The following SKAP2 variants were observed in gnomAD, a reference collection of about 807,000 sequenced individuals.
SKAP2 encodes the protein src kinase associated phosphoprotein 2, also known as src kinase-associated phosphoprotein 2.
In SKAP2, 28 loss-of-function variants were observed where a neutral mutation model predicts 54.9. That is an observed-to-expected ratio of 0.51 (90% CI 0.38 to 0.70). The LOEUF is 0.70. Ranked by LOEUF, SKAP2 falls within the 30% of genes least tolerant of loss-of-function variation. The pLI is 0.00. For synonymous variants in SKAP2, 137 were observed against 134.3 expected (o/e 1.02, Z -0.14); for missense variants, 356 against 424.1 (o/e 0.84, Z 1.41).
chr7:26,715,622 C>G (rs1475589075), intron 9 of SKAP2, among the ~76,000 whole-genome samples: 1 of 152,044 alleles, frequency 6.6e-6, no homozygotes, highest in East Asian at 1.9e-4. Context: ...ACTAAAAATA[C>G]TAAAATATTG....
intron 4 of SKAP2, among the ~76,000 whole-genome samples, chr7:26,757,852 C>A (rs1183565443): frequency 6.6e-6 from 1 of 152,140 alleles, no homozygotes; most frequent in Non-Finnish European, 1.5e-5. Flanking sequence ...ACCTCTGCCT[C>A]CCAGGTTCAA....
At chr7:26,825,514 A>C (rs1429535956) in intron 4 of SKAP2, among the ~76,000 whole-genome samples, 1 of 151,536 alleles carries the variant, frequency 6.6e-6, no homozygotes, top group Non-Finnish European at 1.5e-5. Context: ...TATTTTATCT[A>C]GTTAATCCTC....
chr7:26,656,842 C>CAA, the SKAP2 span, among the ~76,000 whole-genome samples: 196 of 145,718 alleles, frequency 1.3e-3, no homozygotes, highest in African/African-American at 4.7e-3. Context: ...GGCCCCAGTG[C>CAA]AAAAAAAAAA....
intron 4 of SKAP2, among the ~76,000 whole-genome samples, chr7:26,760,188 A>G (rs1302018370): frequency 1.3e-5 from 2 of 152,200 alleles, no homozygotes; most frequent in Non-Finnish European, 2.9e-5. Context: ...ATATTCCACG[A>G]ATCCTTGGAA....
chr7:26,816,222 G>A (rs189445315), intron 4 of SKAP2, among the ~76,000 whole-genome samples: 18 of 152,062 alleles, frequency 1.2e-4, no homozygotes, highest in Admixed American at 7.9e-4. Flanking sequence ...CCAACCACAC[G>A]GTAGATAAAA....
At chr7:26,738,729 G>T in intron 6 of SKAP2, 66 bp downstream of exon 6, 1 of 814,764 alleles carries the variant, frequency 1.2e-6, no homozygotes, top group Non-Finnish European at 2.2e-6. Context: ...GTACTCAAAA[G>T]AGGGGGAAGG....
chr7:26,704,019 T>C (rs1787105784), intron 9 of SKAP2, among the ~76,000 whole-genome samples: 1 of 152,214 alleles, frequency 6.6e-6, no homozygotes, highest in Non-Finnish European at 1.5e-5. Context: ...TTTTAACCTA[T>C]TGTCACAACA....
intron 4 of SKAP2, among the ~76,000 whole-genome samples, chr7:26,759,637 T>C (rs1031860347): frequency 2.6e-5 from 4 of 152,152 alleles, no homozygotes; most frequent in Non-Finnish European, 5.9e-5. Flanking sequence ...AACCCAAAGT[T>C]TACAAACAGA....
chr7:26,812,857 T>C (rs867298010), intron 4 of SKAP2, among the ~76,000 whole-genome samples: 1 of 151,876 alleles, frequency 6.6e-6, no homozygotes, highest in African/African-American at 2.4e-5. Context: ...AAAAAAAGCC[T>C]GTTTTTTTCC....
At chr7:26,828,953 G>A (rs1378468875) in intron 4 of SKAP2, among the ~76,000 whole-genome samples, 1 of 151,552 alleles carries the variant, frequency 6.6e-6, no homozygotes, top group Non-Finnish European at 1.5e-5. Flanking sequence ...CTGGAACCCA[G>A]TGGGGGCAGA....
At chr7:26,721,904 C>A (rs997670466) in intron 9 of SKAP2, among the ~76,000 whole-genome samples, 1 of 152,170 alleles carries the variant, frequency 6.6e-6, no homozygotes, top group Non-Finnish European at 1.5e-5. Flanking sequence ...CAAAGACACT[C>A]CTCTGTATTT....
At chr7:26,773,518 G>A (rs1783234584) in intron 4 of SKAP2, among the ~76,000 whole-genome samples, 2 of 152,192 alleles carry the variant, frequency 1.3e-5, no homozygotes, top group South Asian at 4.1e-4. Context: ...CTGGATAGCA[G>A]GATAAAGTGC....
At chr7:26,739,015 C>A in intron 5 of SKAP2, 137 bp from the exon 6 acceptor site, 1 of 637,846 alleles carries the variant, frequency 1.6e-6, no homozygotes. Flanking sequence ...GACAAAAAAC[C>A]AAACAACAAC....
chr7:26,842,348 T>G (rs536235563), intron 4 of SKAP2, among the ~76,000 whole-genome samples: 108 of 151,674 alleles, frequency 7.1e-4, no homozygotes, highest in African/African-American at 2.6e-3. Flanking sequence ...CTGAATATTT[T>G]GTTATAAAAA....
At chr7:26,755,521 T>G (rs1407361405) in intron 4 of SKAP2, among the ~76,000 whole-genome samples, 1 of 152,148 alleles carries the variant, frequency 6.6e-6, no homozygotes, top group Non-Finnish European at 1.5e-5. Flanking sequence ...CCCAGTAATT[T>G]ATGGAATAAG....
At chr7:26,710,020 T>G (rs1240892068) in intron 9 of SKAP2, among the ~76,000 whole-genome samples, 1 of 152,186 alleles carries the variant, frequency 6.6e-6, no homozygotes, top group Non-Finnish European at 1.5e-5. Context: ...TAGTATACTG[T>G]TTGGTAATCA....
chr7:26,732,481 G>A (rs1787842306), intron 6 of SKAP2, among the ~76,000 whole-genome samples: 1 of 152,226 alleles, frequency 6.6e-6, no homozygotes, highest in Non-Finnish European at 1.5e-5. Flanking sequence ...GTTGGTTTCC[G>A]ATGCTTATAC....
chr7:26,770,569 C>CAGG (rs1783168095), intron 4 of SKAP2, among the ~76,000 whole-genome samples: 2 of 152,278 alleles, frequency 1.3e-5, no homozygotes, highest in African/African-American at 4.8e-5. Flanking sequence ...GCTTGAAACC[C>CAGG]AGGGCCCTGG....
At chr7:26,836,842 T>C (rs887361619) in intron 4 of SKAP2, among the ~76,000 whole-genome samples, 1 of 152,220 alleles carries the variant, frequency 6.6e-6, no homozygotes, top group Admixed American at 6.5e-5. Flanking sequence ...ACTGGGTGTA[T>C]ACCCAAAGGA....
Sources: allele counts gnomAD v4.1 joint callset (sites outside exome capture counted in the v4.1 genomes callset), GRCh38; gene constraint gnomAD v4.1.1; transcripts MANE v1.5; gene names NCBI Gene and HGNC (gene_info 2026-07-23, HGNC 2026-07-21).